The following SLC7A9 variants were observed in gnomAD, a reference collection of about 807,000 sequenced individuals.
The protein encoded by SLC7A9 is B(0,+)-type amino acid transporter 1.
SLC7A9 carries 38 observed loss-of-function variants against 54.1 expected under a neutral mutation model. That is an observed-to-expected ratio of 0.70 (90% CI 0.54 to 0.92). The LOEUF is 0.92. Ranked by LOEUF, SLC7A9 falls within the 40% of genes least tolerant of loss-of-function variation. SLC7A9 has a pLI of 0.00. For synonymous variants in SLC7A9, 264 were observed against 258.9 expected (o/e 1.02, Z -0.19); for missense variants, 537 against 636.1 (o/e 0.84, Z 1.68).
chr19:32,853,817 T>C (rs1285206486), intron 9 of SLC7A9, among the ~76,000 whole-genome samples: 1 of 150,926 alleles, frequency 6.6e-6, no homozygotes, highest in Non-Finnish European at 1.5e-5. Context: ...CTTGGGAGGC[T>C]GAGGCATGAG....
chr19:32,868,640 A>G lies in SLC7A9; in HGVS notation c.-106T>C, dbSNP rs1358162719. The G allele has an allele frequency of 8.7e-6, 8 of 918,050 alleles. No individual in the cohort carries two copies. Among genetic ancestry groups the G allele is most frequent in the Non-Finnish European group, 1.4e-5 (8 of 555,576 alleles). 56.9% of individuals were successfully genotyped at this position (918,050 alleles called of 1,614,324 possible). The stretch of plus-strand genomic sequence containing the variant: ...GTGCAAGCTCGGCCTGGACTAGGGG[A>G]GCTGGCTGCAAAAGCACAGTGTTGG... On this transcript the variant is annotated 5_prime_UTR_variant, in exon 2 of 13. Transcript: ENST00000023064.
In SLC7A9 at chr19:32,868,438, A is replaced by AC; in HGVS notation, c.87+9dup. The AC allele has an allele frequency of 6.2e-7, 1 of 1,612,320 alleles. No individual in the cohort carries two copies. The highest frequency in any genetic ancestry group is 8.5e-7 in the Non-Finnish European group (1 of 1,178,552). On this transcript the variant is annotated intron_variant, in intron 2 of 12. Coordinates refer to ENST00000023064, the MANE Select transcript of SLC7A9 (RefSeq NM_014270.5). ...CTGCAAAGGGCCTGCCCCACCAGAG[A>AC]CCGCCTTACCTCCTTTTGGAGACTG...
At chr19:32,848,214 A>G (rs1025849596) in intron 9 of SLC7A9, among the ~76,000 whole-genome samples, 6 of 152,390 alleles carry the variant, frequency 3.9e-5, no homozygotes, top group South Asian at 2.1e-4. Flanking sequence ...AATGGGCTAA[A>G]TGCTGCAATT....
At position 32,867,111 on chromosome 19, in the gene SLC7A9, C is replaced by G. The variant is rs533130079; in HGVS notation, c.87+1337G>C. On this transcript the variant is annotated intron_variant, in intron 2 of 12. Transcript: ENST00000023064. ...GAGCAGCTGTCCCTGGTAGATGCCT[C>G]TAAGACAGAACAGGCTATGCTGGGG... Among the ~76,000 whole-genome samples the G allele has an allele frequency of 9.2e-5, 14 of 152,338 alleles. 4 individuals are homozygous for G. Among genetic ancestry groups the G allele is most frequent in the African/African-American group, 3.4e-4 (14 of 41,588 alleles).
At chr19:32,866,056 C>T (rs17206254) in intron 2 of SLC7A9, among the ~76,000 whole-genome samples, 17,879 of 152,046 alleles carry the variant, frequency 0.12, 1,111 homozygotes, top group Middle Eastern at 0.17. Context: ...TCATAACACT[C>T]GTCCTCAGAA....
intron 9 of SLC7A9, among the ~76,000 whole-genome samples, chr19:32,857,958 C>A (rs1968675925): frequency 6.6e-6 from 1 of 152,134 alleles, no homozygotes; most frequent in South Asian, 2.1e-4. Flanking sequence ...TACCATCTGG[C>A]CCTTTAAGGG....
rs1163690792 is a variant in SLC7A9 at position 32,846,787 on chromosome 19, A to G, written c.978-2836T>C. Among the ~76,000 whole-genome samples the G allele has an allele frequency of 3.9e-5, 6 of 152,280 alleles. No homozygotes were observed. In the East Asian group the frequency reaches 1.2e-3, roughly 29 times the overall value. On this transcript the variant is annotated intron_variant, in intron 9 of 12. Coordinates refer to ENST00000023064, the MANE Select transcript of SLC7A9 (RefSeq NM_014270.5). ...AACCCCCCAGTAGGGGCAGACTGAC[A>G]CCTCACATGGCCGGGTACTCCTCTG...
chr19:32,830,794 A>G, intron 12 of SLC7A9, 110 bp from the exon 13 acceptor site: 1 of 815,304 alleles, frequency 1.2e-6, no homozygotes, highest in South Asian at 1.4e-5. Flanking sequence ...GTGATGCGTC[A>G]CCTAGACCCT....
At chr19:32,839,609 C>T (rs1229214370) in intron 11 of SLC7A9, among the ~76,000 whole-genome samples, 1 of 149,640 alleles carries the variant, frequency 6.7e-6, no homozygotes, top group Non-Finnish European at 1.5e-5. Context: ...TTCTTTCATA[C>T]TAGTGACTGT....
intron 9 of SLC7A9, among the ~76,000 whole-genome samples, chr19:32,853,503 T>C (rs1394841179): frequency 3.4e-5 from 4 of 118,858 alleles, no homozygotes; most frequent in African/African-American, 1.5e-4. Flanking sequence ...AACTAAAAAT[T>C]AAGCAACTTT....
At chr19:32,854,857 G>T (rs565605251) in intron 9 of SLC7A9, among the ~76,000 whole-genome samples, 1 of 152,168 alleles carries the variant, frequency 6.6e-6, no homozygotes, top group Admixed American at 6.5e-5. Flanking sequence ...CAAAGTGCTG[G>T]GATTACAGGC....
intron 10 of SLC7A9, 132 bp downstream of exon 10, chr19:32,843,723 G>A: frequency 1.4e-6 from 1 of 707,582 alleles, no homozygotes; most frequent in Non-Finnish European, 2.6e-6. Flanking sequence ...CACTTGTCCT[G>A]GGACTCTTTC....
intron 9 of SLC7A9, among the ~76,000 whole-genome samples, chr19:32,844,736 C>T (rs576743132): frequency 3.0e-4 from 45 of 151,106 alleles, no homozygotes; most frequent in African/African-American, 1.0e-3. Context: ...GGGGCTGAGG[C>T]AGGAGAATCG....
intron 4 of SLC7A9, 161 bp from the exon 5 acceptor site, chr19:32,862,747 C>A: frequency 1.7e-6 from 1 of 582,700 alleles, no homozygotes; most frequent in South Asian, 3.7e-5. Flanking sequence ...CTCACGATCT[C>A]AGCAATCTTT....
At chr19:32,861,810 G>A (rs928036997) in intron 6 of SLC7A9, among the ~76,000 whole-genome samples, 6 of 152,056 alleles carry the variant, frequency 3.9e-5, no homozygotes, top group Non-Finnish European at 5.9e-5. Context: ...GTGAGATCCT[G>A]TCTTAAAAAA....
intron 2 of SLC7A9, among the ~76,000 whole-genome samples, chr19:32,866,440 TAG>T (rs1404587862): frequency 6.6e-6 from 1 of 152,186 alleles, no homozygotes; most frequent in Non-Finnish European, 1.5e-5. Context: ...TTTTGGTTTT[TAG>T]AGTCAGGGTC....
At chr19:32,842,417 T>A in intron 10 of SLC7A9, 100 bp from the exon 11 acceptor site, 1 of 1,211,688 alleles carries the variant, frequency 8.3e-7, no homozygotes, top group Non-Finnish European at 1.2e-6. Context: ...ATAAACACTT[T>A]AGCATGAAAC....
At chr19:32,844,977 A>G (rs1166545925) in intron 9 of SLC7A9, among the ~76,000 whole-genome samples, 1 of 150,348 alleles carries the variant, frequency 6.7e-6, no homozygotes, top group African/African-American at 2.4e-5. Flanking sequence ...AGTCTGGCCA[A>G]CATGGTGAAA....
chr19:32,862,186 C>T lies in SLC7A9; in HGVS notation c.636G>A (p.Glu212=), dbSNP rs1968818490. 6.2e-7 allele frequency: 1 copy of T among 1,613,926 alleles called. No homozygotes were observed. Among genetic ancestry groups the T allele is most frequent in the African/African-American group, 1.3e-5 (1 of 75,042 alleles). Residue 212 remains glutamate, a synonymous_variant, in exon 6 of 13, where the codon GAG becomes GAA. Coordinates refer to ENST00000023064, the MANE Select transcript of SLC7A9 (RefSeq NM_014270.5). ...GNTKNFDNSF[E]GAQLSVGAIS... is the part of the protein sequence containing the mutation. ...TGGCTCCCACAGACAGCTGGGCGCC[C>T]TCGAAAGAATTATCAAAATTCTTTG...
Sources: gnomAD v4.1 joint callset for allele counts (sites outside exome capture counted in the v4.1 genomes callset) on GRCh38, gnomAD v4.1.1 for gene constraint, MANE v1.5 for transcripts, NCBI Gene and HGNC (gene_info 2026-07-23, HGNC 2026-07-21) for gene names.